The following LRRC7 variants were observed in gnomAD, a reference collection of about 807,000 sequenced individuals.
The protein encoded by LRRC7 is leucine-rich repeat-containing protein 7.
LRRC7 carries 23 observed loss-of-function variants against 175.7 expected under a neutral mutation model. The ratio of observed to expected loss-of-function variants is 0.13; its 90% CI spans 0.09 to 0.19. LRRC7 has a LOEUF of 0.19. LRRC7 is among the 10% of genes least tolerant of loss of function. The pLI is 1.00. For missense variants in LRRC7, 1,354 were observed against 1,904.7 expected (o/e 0.71, Z 5.38); for synonymous variants, 685 against 680.9 (o/e 1.01, Z -0.09).
At chr1:69,866,943 T>C (rs1363567527) in intron 7 of LRRC7, among the ~76,000 whole-genome samples, 3 of 152,194 alleles carry the variant, frequency 2.0e-5, no homozygotes, top group Non-Finnish European at 4.4e-5. Flanking sequence ...AGTTTATATA[T>C]ATTAAGCTCA....
At chr1:69,837,367 C>T (rs963497301) in intron 6 of LRRC7, among the ~76,000 whole-genome samples, 1 of 151,736 alleles carries the variant, frequency 6.6e-6, no homozygotes, top group Non-Finnish European at 1.5e-5. Flanking sequence ...TTGTGATATA[C>T]CAGAAATTAT....
chr1:70,004,184 G>T (rs184739999), intron 11 of LRRC7, among the ~76,000 whole-genome samples: 2 of 152,066 alleles, frequency 1.3e-5, no homozygotes, highest in Non-Finnish European at 2.9e-5. Context: ...ATGCGTTTTC[G>T]TCATACTTTC....
chr1:69,715,184 T>C (rs2100748466), intron 2 of LRRC7, among the ~76,000 whole-genome samples: 1 of 152,260 alleles, frequency 6.6e-6, no homozygotes, highest in South Asian at 2.1e-4. Flanking sequence ...GTAATAATGA[T>C]AATCAATCCT....
At chr1:69,828,171 A>G in intron 5 of LRRC7, among the ~76,000 whole-genome samples, 1 of 152,082 alleles carries the variant, frequency 6.6e-6, no homozygotes, top group East Asian at 1.9e-4. Context: ...GTTTATCTGT[A>G]CCTCAGTTGA....
At chr1:69,765,702 T>C (rs1189592899) in intron 3 of LRRC7, among the ~76,000 whole-genome samples, 1 of 152,112 alleles carries the variant, frequency 6.6e-6, no homozygotes, top group African/African-American at 2.4e-5. Flanking sequence ...CAAGAAACTA[T>C]GCATTCATCG....
At chr1:69,795,420 A>G (rs148647841) in intron 4 of LRRC7, among the ~76,000 whole-genome samples, 156 of 152,044 alleles carry the variant, frequency 1.0e-3, no homozygotes, top group Middle Eastern at 6.8e-3. Flanking sequence ...AGAAAACTAG[A>G]CAGTTACTTA....
intron 7 of LRRC7, among the ~76,000 whole-genome samples, chr1:69,889,758 G>A (rs2101639660): frequency 6.6e-6 from 1 of 152,252 alleles, no homozygotes; most frequent in African/African-American, 2.4e-5. Flanking sequence ...AGTGAGTCAA[G>A]ACTGTGCCAC....
chr1:69,839,817 A>G (rs946325885), intron 7 of LRRC7, among the ~76,000 whole-genome samples: 1 of 152,102 alleles, frequency 6.6e-6, no homozygotes, highest in African/African-American at 2.4e-5. Context: ...AATTTTAAAT[A>G]TAAATTAAAA....
chr1:69,618,007 C>T (rs1159824475), intron 1 of LRRC7, among the ~76,000 whole-genome samples: 1 of 151,992 alleles, frequency 6.6e-6, no homozygotes, highest in Non-Finnish European at 1.5e-5. Context: ...AGACACTGGC[C>T]CATAACAATT....
chr1:69,842,807 A>G (rs1207201039), intron 7 of LRRC7, among the ~76,000 whole-genome samples: 3 of 152,142 alleles, frequency 2.0e-5, no homozygotes, highest in Admixed American at 6.6e-5. Flanking sequence ...AGTTGTATCT[A>G]TTTTCAGTAT....
intron 18 of LRRC7, among the ~76,000 whole-genome samples, chr1:70,029,523 GT>G (rs1265317507): frequency 6.6e-6 from 1 of 151,974 alleles, no homozygotes; most frequent in Non-Finnish European, 1.5e-5. Context: ...CATTTTCATT[GT>G]TTTTTGCTTA....
intron 23 of LRRC7, among the ~76,000 whole-genome samples, chr1:70,054,578 CTTTTTTTTTTTTTTTT>C (rs35639787): frequency 3.7e-5 from 2 of 53,798 alleles, no homozygotes; most frequent in Non-Finnish European, 3.5e-5. Context: ...TTACACTCTA[CTTTTTTTTTTTTTTTT>C]TTTTTTTTTT....
At chr1:69,753,283 C>CGTGTGTGTGTGTGT (rs199915847) in intron 2 of LRRC7, among the ~76,000 whole-genome samples, 3 of 131,138 alleles carry the variant, frequency 2.3e-5, no homozygotes, top group African/African-American at 9.4e-5. Context: ...AAATCATTGT[C>CGTGTGTGTGTGTGT]GTGTGTGTGT....
intron 8 of LRRC7, among the ~76,000 whole-genome samples, chr1:69,952,892 A>G (rs2101826336): frequency 6.6e-6 from 1 of 150,640 alleles, no homozygotes; most frequent in East Asian, 2.0e-4. Flanking sequence ...AATTTTTTGA[A>G]CTCCTACTGT....
At chr1:69,930,311 A>G (rs1405157271) in intron 7 of LRRC7, among the ~76,000 whole-genome samples, 1 of 152,272 alleles carries the variant, frequency 6.6e-6, no homozygotes. Flanking sequence ...ATTTCTGAGT[A>G]TCTGATAGCA....
intron 1 of LRRC7, among the ~76,000 whole-genome samples, chr1:69,640,421 A>G (rs1264404): frequency 0.21 from 31,111 of 151,544 alleles, 3,900 homozygotes; most frequent in South Asian, 0.29. Flanking sequence ...AGTGAGCACT[A>G]TGATTGTTCC....
chr1:69,974,541 T>G (rs1652615713), intron 8 of LRRC7, among the ~76,000 whole-genome samples: 1 of 152,206 alleles, frequency 6.6e-6, no homozygotes, highest in African/African-American at 2.4e-5. Context: ...CGGAAACAAC[T>G]GACTTTGTGA....
intron 2 of LRRC7, among the ~76,000 whole-genome samples, chr1:69,713,943 C>T (rs1665063279): frequency 1.3e-5 from 2 of 151,966 alleles, no homozygotes; most frequent in African/African-American, 4.8e-5. Flanking sequence ...TCCTGGGACT[C>T]TCTTCTTCTC....
At chr1:70,107,274 A>T (rs17131207) in intron 25 of LRRC7, among the ~76,000 whole-genome samples, 1 of 152,170 alleles carries the variant, frequency 6.6e-6, no homozygotes, top group Non-Finnish European at 1.5e-5. Context: ...ATGAAACAAT[A>T]TGCATTAAAA....
Sources: gnomAD v4.1 joint callset for allele counts (sites outside exome capture counted in the v4.1 genomes callset) on GRCh38, gnomAD v4.1.1 for gene constraint, MANE v1.5 for transcripts, NCBI Gene and HGNC (gene_info 2026-07-23, HGNC 2026-07-21) for gene names.